RNF213: variants seen among roughly 807,000 people sequenced by gnomAD.
The protein encoded by RNF213 is E3 ubiquitin-protein ligase RNF213.
RNF213 carries 341 observed loss-of-function variants against 514.4 expected under a neutral mutation model. That is an observed-to-expected ratio of 0.66 (90% CI 0.61 to 0.73). RNF213 has a LOEUF of 0.73. RNF213 is among the 30% of genes least tolerant of loss of function. The pLI, the probability that RNF213 is intolerant of heterozygous loss-of-function variation, is 0.00. For missense variants in RNF213, 5,767 were observed against 6,615.6 expected (o/e 0.87, Z 4.45); for synonymous variants, 2,655 against 2,658.2 (o/e 1.00, Z 0.04).
chr17:80,312,666 G>T (rs1223979248), intron 14 of RNF213, among the ~76,000 whole-genome samples: 1 of 152,192 alleles, frequency 6.6e-6, no homozygotes, highest in Non-Finnish European at 1.5e-5. Flanking sequence ...AGTCTGCAGG[G>T]CCCCTCTCTG....
chr17:80,284,845 GGA>G (rs1320579860), intron 3 of RNF213, among the ~76,000 whole-genome samples: 3 of 152,200 alleles, frequency 2.0e-5, no homozygotes, highest in Admixed American at 1.3e-4. Flanking sequence ...TGATTCCTCT[GGA>G]GAGAGGAAGC....
chr17:80,270,470 G>A (rs116655373), intron 2 of RNF213, among the ~76,000 whole-genome samples: 63 of 152,292 alleles, frequency 4.1e-4, no homozygotes, highest in African/African-American at 1.5e-3. Context: ...CACTGGCCGC[G>A]TCTCTGTGCT....
chr17:80,382,587 A>C, intron 57 of RNF213: 1 of 242,626 alleles, frequency 4.1e-6, no homozygotes, highest in Non-Finnish European at 8.2e-6. Flanking sequence ...GAAATGACAG[A>C]ATCCTGGAAG....
chr17:80,365,718 C>T (rs952247620), intron 42 of RNF213, among the ~76,000 whole-genome samples: 6 of 152,176 alleles, frequency 3.9e-5, no homozygotes, highest in Non-Finnish European at 5.9e-5. Flanking sequence ...GATAGTAGGA[C>T]ACAGCCGGTG....
Position 80,332,157 on chromosome 17 carries a change from G to T in RNF213, c.3669G>T (p.Lys1223Asn), listed in dbSNP as rs1415986802. ...CCCAGGTCCAAGAAATGGCTGGGAAGATAGACTTGCTCAGAGACAGCCACA... is the reference window on the plus strand; with the variant it reads ...CCCAGGTCCAAGAAATGGCTGGGAATATAGACTTGCTCAGAGACAGCCACA... The part of the protein sequence containing the change: ...LSSQVQEMAG[K>N]IDLLRDSHIF... Residue 1223 changes from lysine (K) to asparagine (N), a missense_variant, in exon 21 of 68, where the codon AAG becomes AAT. Coordinates refer to ENST00000582970, the MANE Select transcript of RNF213 (RefSeq NM_001256071.3). The T allele has an allele frequency of 6.5e-7, 1 of 1,537,096 alleles. No individual in the cohort carries two copies.
intron 46 of RNF213, among the ~76,000 whole-genome samples, chr17:80,370,490 G>A (rs751376005): frequency 1.3e-5 from 2 of 152,164 alleles, no homozygotes; most frequent in African/African-American, 4.8e-5. Context: ...TACAAAAAGC[G>A]GTGATGAGTT....
In RNF213 at chr17:80,261,993, G is replaced by A. The variant is rs190390884; in HGVS notation, c.-109+1091G>A. 2.6e-5 allele frequency among the ~76,000 whole-genome samples: 4 copies of A among 151,530 alleles called. No individual in the cohort carries two copies. The Admixed American group carries it at 2.7e-4, about 10-fold the overall frequency. On this transcript the variant is annotated intron_variant, in intron 1 of 67. Transcript: ENST00000582970. ...GATTGCCCACTGTACTCCAGCCTGG[G>A]TGAAACTGTCAAACAAACAAAAAAT...
intron 22 of RNF213, among the ~76,000 whole-genome samples, chr17:80,334,908 G>A (rs2077943048): frequency 1.3e-5 from 2 of 150,006 alleles, no homozygotes; most frequent in African/African-American, 4.9e-5. Context: ...TTACAGGCAT[G>A]AGCCACTGCA....
At chr17:80,278,712 G>C in intron 3 of RNF213, 1 of 1,532,460 alleles carries the variant, frequency 6.5e-7, no homozygotes, top group Admixed American at 2.0e-5. Flanking sequence ...TACTGGAGCT[G>C]TGCGTGGGGT....
intron 36 of RNF213, chr17:80,355,334 GGCTT>G: frequency 2.3e-6 from 1 of 443,922 alleles, no homozygotes; most frequent in African/African-American, 2.2e-5. Context: ...CGGTAATGGG[GGCTT>G]ACAGGGGAAG....
At position 80,343,758 on chromosome 17, in the gene RNF213, G is replaced by C. The variant is rs1213182042; in HGVS notation, c.6184-99G>C. 3 of 1,230,894 alleles carry C rather than the reference G, an allele frequency of 2.4e-6. No individual in the cohort carries two copies. In the African/African-American group the frequency reaches 4.5e-5, roughly 18 times the overall value. The allele number at this position is 1,230,894 out of a possible 1,614,324, so 76.2% of individuals were successfully genotyped here. A position where few individuals can be genotyped will look rare whatever the true frequency, so the allele number is the denominator to read the frequency against. On this transcript the variant is annotated intron_variant, in intron 27 of 67. Transcript: ENST00000582970. The surrounding 1 kb of genome is among the most constrained non-coding windows in gnomAD (Gnocchi z 4.3). Reference sequence around the variant, plus strand: ...CTGAAATGTTGATGTTGATCATCAGGATCATCGTGACAAAGAGCAAAATAA... The same window carrying C: ...CTGAAATGTTGATGTTGATCATCAGCATCATCGTGACAAAGAGCAAAATAA...
At chr17:80,292,992 C>T (rs2044790119) in intron 8 of RNF213, among the ~76,000 whole-genome samples, 1 of 152,178 alleles carries the variant, frequency 6.6e-6, no homozygotes, top group Non-Finnish European at 1.5e-5. Flanking sequence ...TGTCACTCCA[C>T]CTTGGACAAA....
Position 80,309,033 on chromosome 17 carries a change from C to G in RNF213, c.2517C>G (p.Ala839=), listed in dbSNP as rs147119464. Residue 839 remains alanine, a synonymous_variant, in exon 14 of 68, where the codon GCC becomes GCG. Coordinates refer to ENST00000582970, the MANE Select transcript of RNF213 (RefSeq NM_001256071.3). ...DTYRDKIPEE[A]LSPSYLTVCL... ...TGCGGGGCAGGATTCCCGAGGAGGC[C>G]TTGTCACCATCCTACCTGACTGTGT... The G allele has an allele frequency of 4.0e-5, 64 of 1,614,140 alleles. No homozygotes were observed. In the African/African-American group the frequency reaches 7.6e-4, roughly 19 times the overall value.
chr17:80,273,147 A>G, intron 2 of RNF213, 94 bp from the exon 3 acceptor site: 1 of 1,512,686 alleles, frequency 6.6e-7, no homozygotes, highest in Non-Finnish European at 9.2e-7. Flanking sequence ...AACAGGGTGA[A>G]TCTCTCCATG....
rs2144069227 is a variant in RNF213 at position 80,340,257 on chromosome 17, G to A, written c.5890G>A (p.Ala1964Thr). 2 of 1,614,140 alleles carry A rather than the reference G, an allele frequency of 1.2e-6. No homozygotes were observed. The highest frequency in any genetic ancestry group is 1.7e-6 in the Non-Finnish European group (2 of 1,180,038). ...CCTCGAGGCCATCCAAGCCTACCTG[G>A]CAGGTCACTACCGGGTCCCGAAGCA... ...APLEAIQAYL[A>T]GHYRVPKQTL... The change falls in exon 26 of 68, where the codon GCA becomes ACA. Residue 1964 changes from alanine (A) to threonine (T), a missense_variant. By Grantham distance (58) the Ala-to-Thr change is moderately conservative. Around this residue, in one of 13 missense-constraint regions of RNF213, gnomAD observed 1,377 missense variants for 1,635.2 expected, o/e 0.84. Coordinates refer to ENST00000582970, the MANE Select transcript of RNF213 (RefSeq NM_001256071.3).
intron 12 of RNF213, 104 bp from the exon 13 acceptor site, chr17:80,307,024 T>C: frequency 2.8e-6 from 3 of 1,084,428 alleles, no homozygotes; most frequent in South Asian, 1.3e-5. Context: ...AAGAAAACAA[T>C]GTATACCATA....
chr17:80,330,773 C>T (rs936763199), intron 20 of RNF213, among the ~76,000 whole-genome samples: 1 of 152,212 alleles, frequency 6.6e-6, no homozygotes. Flanking sequence ...GAAGGGGGTC[C>T]ACCTGCTGTG....
intron 3 of RNF213, among the ~76,000 whole-genome samples, chr17:80,277,566 C>T (rs2044111131): frequency 6.9e-6 from 1 of 145,604 alleles, no homozygotes. Flanking sequence ...ACACCGCACT[C>T]CAGCCTGGGC....
chr17:80,352,902 GAC>G, intron 32 of RNF213, 36 bp from the exon 33 acceptor site: 4 of 1,613,746 alleles, frequency 2.5e-6, no homozygotes, highest in Non-Finnish European at 3.4e-6. Flanking sequence ...AGCCGGGAAA[GAC>G]ACAAAGACAG....
Sources: gnomAD v4.1 joint callset for allele counts (sites outside exome capture counted in the v4.1 genomes callset) on GRCh38, gnomAD v4.1.1 for gene constraint, gnomAD v4.1.1 regional missense constraint, Gnocchi (gnomAD v3.1) non-coding constraint, MANE v1.5 for transcripts, NCBI Gene and HGNC (gene_info 2026-07-23, HGNC 2026-07-21) for gene names.